The following SP140L variants were observed in gnomAD, a reference collection of about 807,000 sequenced individuals.
SP140L encodes the protein SP140 like nuclear body protein, also known as nuclear body protein SP140-like protein.
Under a neutral mutation model 84.3 loss-of-function variants are expected in SP140L, and 64 were observed. That is an observed-to-expected ratio of 0.76 (90% CI 0.62 to 0.94). The LOEUF is 0.94. Among genes scored for constraint, SP140L ranks in the 40% least tolerant of loss-of-function variants. The pLI is 0.00. For missense variants in SP140L, 628 were observed against 692.5 expected, an observed-to-expected ratio of 0.91 and a Z score of 1.05; for synonymous variants, 242 against 236.9, an observed-to-expected ratio of 1.02 and a Z score of -0.20.
chr2:230,347,969 C>A (rs1172700305), intron 2 of SP140L, among the ~76,000 whole-genome samples: 1 of 152,328 alleles, frequency 6.6e-6, no homozygotes, highest in East Asian at 1.9e-4. Flanking sequence ...TTCTTCATTT[C>A]TGGTCAAACA....
intron 10 of SP140L, 86 bp from the exon 11 acceptor site, chr2:230,389,833 T>G (rs532203201): frequency 1.6e-6 from 2 of 1,289,094 alleles, no homozygotes; most frequent in African/African-American, 3.0e-5. Context: ...CTAAGTACTC[T>G]TTGTGCCTTT....
chr2:230,393,468 A>C lies in SP140L; in HGVS notation c.1155+7A>C, dbSNP rs1349629891. 6.4e-7 allele frequency: 1 copy of C among 1,566,560 alleles called. No homozygotes were observed. Among genetic ancestry groups the C allele is most frequent in the Admixed American group, 1.9e-5 (1 of 52,232 alleles). ...ATATTACAGGAACAAAAAGGTGATTATTACATAATTTTCTACAGATTCTTG... is the reference window on the plus strand; with the variant it reads ...ATATTACAGGAACAAAAAGGTGATTCTTACATAATTTTCTACAGATTCTTG... On this transcript the variant is annotated splice_region_variant and intron_variant, in intron 13 of 18. Transcript: ENST00000415673.
intron 2 of SP140L, 63 bp downstream of exon 2, chr2:230,328,894 C>T (rs2059651679): frequency 1.3e-6 from 2 of 1,542,952 alleles, no homozygotes; most frequent in South Asian, 1.2e-5. Context: ...AGCTGAACAG[C>T]TTTTCATGTT....
intron 2 of SP140L, among the ~76,000 whole-genome samples, chr2:230,348,402 A>G (rs555631430): frequency 8.5e-5 from 13 of 152,294 alleles, no homozygotes; most frequent in African/African-American, 2.9e-4. Flanking sequence ...TTGTTATTGT[A>G]TGTGTTTATA....
Position 230,361,776 on chromosome 2 carries a change from G to A in SP140L, c.523+79G>A. The stretch of plus-strand genomic sequence containing the variant: ...AAGGGAGGTGAGGGCCCAAGGTCCT[G>A]AGGGGAAATTGTGAAACAGGGAAGA... On this transcript the variant is annotated intron_variant, in intron 5 of 18. Transcript: ENST00000415673. 2.8e-6 allele frequency: 3 copies of A among 1,082,766 alleles called. No individual in the cohort carries two copies. The South Asian group carries it at 4.3e-5, about 15-fold the overall frequency. The allele number at this position is 1,082,766 out of a possible 1,614,324, so 67.1% of individuals were successfully genotyped here.
At position 230,400,637 on chromosome 2, in the gene SP140L, G is replaced by A. The variant is rs957608742; in HGVS notation, c.1314-318G>A. On this transcript the variant is annotated intron_variant, in intron 15 of 18. Coordinates refer to ENST00000415673, the MANE Select transcript of SP140L (RefSeq NM_138402.6). Reference sequence around the variant, plus strand: ...CGGATGGAGGCCTGACGTCCCTGGAGTTGAAAGCCCAGTTTCTGACACACA... The same window carrying A: ...CGGATGGAGGCCTGACGTCCCTGGAATTGAAAGCCCAGTTTCTGACACACA... 1.5e-5 allele frequency: 8 copies of A among 540,734 alleles called. No homozygotes were observed. The Admixed American group carries it at 1.9e-4, about 13-fold the overall frequency. The allele number at this position is 540,734 out of a possible 1,614,324, so 33.5% of individuals were successfully genotyped here.
At chr2:230,359,499 A>C (rs931031353) in intron 4 of SP140L, among the ~76,000 whole-genome samples, 13 of 152,176 alleles carry the variant, frequency 8.5e-5, no homozygotes, top group African/African-American at 3.1e-4. Context: ...ACCTGCCTTG[A>C]GTGACAGTTT....
rs545990416 is a variant in SP140L, at chr2:230,393,220, T to C, written c.1108-194T>C. On this transcript the variant is annotated intron_variant, in intron 12 of 18. Coordinates refer to ENST00000415673, the MANE Select transcript of SP140L (RefSeq NM_138402.6). ...AGAGAAGGGAAAATGGTCCTGAAAA[T>C]GATTTTCTGGCTTCTATTGATTGGA... Among the ~76,000 whole-genome samples, 29 of 152,226 alleles carry C rather than the reference T, an allele frequency of 1.9e-4. No homozygotes were observed. In the East Asian group the frequency reaches 5.2e-3, roughly 27 times the overall value.
chr2:230,335,492 G>A (rs780300979), intron 2 of SP140L, among the ~76,000 whole-genome samples: 14 of 152,210 alleles, frequency 9.2e-5, no homozygotes, highest in Non-Finnish European at 1.8e-4. Flanking sequence ...TCAGTGGAAC[G>A]AGTTGGGGAA....
intron 2 of SP140L, among the ~76,000 whole-genome samples, chr2:230,336,161 T>C (rs2059873511): frequency 6.6e-6 from 1 of 152,168 alleles, no homozygotes; most frequent in Non-Finnish European, 1.5e-5. Flanking sequence ...TGGCATCAGA[T>C]GCATGATGGG....
intron 8 of SP140L, 26 bp from the exon 9 acceptor site, chr2:230,385,195 TTAA>T (rs1431216874): frequency 6.2e-7 from 1 of 1,611,166 alleles, no homozygotes; most frequent in South Asian, 1.1e-5. Context: ...CCCAGTTCTA[TTAA>T]TACATTTTCC....
chr2:230,330,108 G>A (rs2149669831), intron 2 of SP140L, among the ~76,000 whole-genome samples: 1 of 152,272 alleles, frequency 6.6e-6, no homozygotes, highest in East Asian at 1.9e-4. Flanking sequence ...CTCGACCAGG[G>A]CAGCTCACCC....
intron 7 of SP140L, among the ~76,000 whole-genome samples, chr2:230,383,178 G>T (rs900572763): frequency 1.3e-5 from 2 of 152,196 alleles, no homozygotes; most frequent in African/African-American, 2.4e-5. Flanking sequence ...CATTGCACAT[G>T]TGAATTTACA....
chr2:230,387,386 T>A (rs564364684), intron 9 of SP140L, among the ~76,000 whole-genome samples: 1 of 152,278 alleles, frequency 6.6e-6, no homozygotes, highest in East Asian at 1.9e-4. Context: ...TCAATATTGG[T>A]TCCTTGGGCC....
intron 2 of SP140L, 95 bp from the exon 3 acceptor site, chr2:230,357,710 C>T: frequency 7.8e-7 from 1 of 1,278,234 alleles, no homozygotes; most frequent in South Asian, 1.5e-5. Flanking sequence ...TATGTTGGTT[C>T]TTCATAGCTT....
chr2:230,360,785 C>T (rs2060690054), intron 4 of SP140L, among the ~76,000 whole-genome samples: 1 of 152,160 alleles, frequency 6.6e-6, no homozygotes, highest in Non-Finnish European at 1.5e-5. Flanking sequence ...GCACAGCAGC[C>T]TACCCACCTT....
chr2:230,333,268 C>T (rs528065329), intron 2 of SP140L, among the ~76,000 whole-genome samples: 1 of 152,006 alleles, frequency 6.6e-6, no homozygotes, highest in East Asian at 1.9e-4. Flanking sequence ...AAGTGATTCT[C>T]CTGCCTCAGC....
At chr2:230,393,547 G>A (rs1443432608) in intron 13 of SP140L, 86 bp downstream of exon 13, 5 of 1,400,836 alleles carry the variant, frequency 3.6e-6, no homozygotes, top group East Asian at 2.8e-5. Context: ...TCTCCAATTG[G>A]GTAACTATAA....
intron 7 of SP140L, among the ~76,000 whole-genome samples, chr2:230,377,395 G>GTATTGAA (rs1299841703): frequency 2.0e-5 from 3 of 152,136 alleles, no homozygotes; most frequent in Non-Finnish European, 4.4e-5. Flanking sequence ...AATTCATACA[G>GTATTGAA]TATTGAATTT....
Sources: allele counts gnomAD v4.1 joint callset (sites outside exome capture counted in the v4.1 genomes callset), GRCh38; gene constraint gnomAD v4.1.1; transcripts MANE v1.5; gene names NCBI Gene and HGNC (gene_info 2026-07-23, HGNC 2026-07-21).